HKDC1: variants seen among roughly 807,000 people sequenced by gnomAD.
The protein encoded by HKDC1 is hexokinase domain containing 1.
Under a neutral mutation model 96.6 loss-of-function variants are expected in HKDC1, and 66 were observed. The ratio of observed to expected loss-of-function variants is 0.68; its 90% CI spans 0.56 to 0.84. The LOEUF is 0.84. HKDC1 is among the 40% of genes least tolerant of loss of function. HKDC1 has a pLI of 0.00. For missense variants in HKDC1, 1,211 were observed against 1,208.1 expected, an observed-to-expected ratio of 1.00 and a Z score of -0.04; for synonymous variants, 466 against 473.1, an observed-to-expected ratio of 0.98 and a Z score of 0.20.
chr10:69,255,530 C>T (rs528447895), intron 12 of HKDC1, among the ~76,000 whole-genome samples: 3 of 152,180 alleles, frequency 2.0e-5, no homozygotes, highest in African/African-American at 7.2e-5. Context: ...CTGCCTTCAC[C>T]CCCCTGGCTT....
At chr10:69,233,275 G>T (rs1470501541) in intron 4 of HKDC1, 142 bp downstream of exon 4, 8 of 1,144,782 alleles carry the variant, frequency 7.0e-6, no homozygotes, top group Non-Finnish European at 9.9e-6. Flanking sequence ...TGATGAGGTG[G>T]CAGCGTGAGG....
chr10:69,255,950 C>A (rs1456967235), intron 12 of HKDC1, among the ~76,000 whole-genome samples: 1 of 150,950 alleles, frequency 6.6e-6, no homozygotes, highest in East Asian at 1.9e-4. Flanking sequence ...CCTACTTTCT[C>A]AGTATTATAA....
Position 69,267,400 on chromosome 10 carries a change from T to C in HKDC1, c.*643T>C, listed in dbSNP as rs1386882726. On this transcript the variant is annotated 3_prime_UTR_variant, in exon 18 of 18. Coordinates refer to ENST00000354624, the MANE Select transcript of HKDC1 (RefSeq NM_025130.4). Reference sequence around the variant, plus strand: ...CAGCACCCTGTAGGATTTTGTTCCTTATTAAGTGTGTGCCATGTGGTGGGG... The same window carrying C: ...CAGCACCCTGTAGGATTTTGTTCCTCATTAAGTGTGTGCCATGTGGTGGGG... The C allele has an allele frequency of 9.2e-6, 4 of 436,118 alleles. No homozygotes were observed. Among genetic ancestry groups the C allele is most frequent in the Admixed American group, 8.0e-5 (3 of 37,286 alleles). The allele number at this position is 436,118 out of a possible 1,614,324, so 27.0% of individuals were successfully genotyped here.
Position 69,261,137 on chromosome 10 carries a change from A to G in HKDC1, c.2217-2A>G, listed in dbSNP as rs1220756355. 6.2e-7 allele frequency: 1 copy of G among 1,612,054 alleles called. No individual in the cohort carries two copies. The highest frequency in any genetic ancestry group is 1.3e-5 in the African/African-American group (1 of 74,884). On this transcript the variant is annotated splice_acceptor_variant, in intron 15 of 17. Transcript: ENST00000354624. LOFTEE classifies it high-confidence loss of function. Reference sequence around the variant, plus strand: ...CCAACCTTATCCTTCTTCTCCAAACAGATACGAGAAAATGACCAGTGGGAT... The same window carrying G: ...CCAACCTTATCCTTCTTCTCCAAACGGATACGAGAAAATGACCAGTGGGAT...
chr10:69,261,532 T>C (rs911649185), intron 16 of HKDC1: 22 of 439,188 alleles, frequency 5.0e-5, no homozygotes, highest in Admixed American at 1.1e-4. Context: ...CAGGCTGGGC[T>C]AATTTGAAAC....
chr10:69,232,721 A>C, intron 2 of HKDC1, 43 bp from the exon 3 acceptor site: 1 of 1,581,378 alleles, frequency 6.3e-7, no homozygotes, highest in South Asian at 1.1e-5. Context: ...CCATATCTGT[A>C]GTAGACCCTC....
chr10:69,234,588 A>C (rs1843333399), intron 4 of HKDC1, among the ~76,000 whole-genome samples: 2 of 152,228 alleles, frequency 1.3e-5, no homozygotes, highest in African/African-American at 4.8e-5. Context: ...GGATAATAAC[A>C]TCTGCTTGTT....
At chr10:69,233,976 G>C (rs7083041) in intron 4 of HKDC1, among the ~76,000 whole-genome samples, 78,672 of 150,738 alleles carry the variant, frequency 0.52, 21,134 homozygotes, top group Non-Finnish European at 0.59. Flanking sequence ...TACACAGTCT[G>C]AACTGTGTCA....
chr10:69,247,349 C>A lies in HKDC1; in HGVS notation c.1032-11C>A. The A allele has an allele frequency of 1.3e-6, 2 of 1,592,876 alleles. No individual in the cohort carries two copies. The highest frequency in any genetic ancestry group is 1.7e-6 in the Non-Finnish European group (2 of 1,160,546). On this transcript the variant is annotated splice_polypyrimidine_tract_variant and intron_variant, in intron 8 of 17. Coordinates refer to ENST00000354624, the MANE Select transcript of HKDC1 (RefSeq NM_025130.4). Reference sequence around the variant, plus strand: ...AGAAGTGTCGTTCACTCATTCCTGTCCCCTGGCCAGGTATAAAGAAGGCCT... The same window carrying A: ...AGAAGTGTCGTTCACTCATTCCTGTACCCTGGCCAGGTATAAAGAAGGCCT...
intron 2 of HKDC1, among the ~76,000 whole-genome samples, chr10:69,229,517 A>T (rs1843217598): frequency 6.6e-6 from 1 of 152,170 alleles, no homozygotes; most frequent in Non-Finnish European, 1.5e-5. Flanking sequence ...CAGCTGAGTC[A>T]TGTGGGGAGC....
intron 4 of HKDC1, among the ~76,000 whole-genome samples, chr10:69,237,752 T>G (rs1221166219): frequency 2.0e-5 from 3 of 152,188 alleles, no homozygotes; most frequent in African/African-American, 7.2e-5. Context: ...TAGGGAGAGC[T>G]GCCACACGGC....
At chr10:69,245,386 A>C (rs1045354686) in intron 7 of HKDC1, among the ~76,000 whole-genome samples, 6 of 151,198 alleles carry the variant, frequency 4.0e-5, no homozygotes, top group African/African-American at 1.5e-4. Flanking sequence ...GGAGTTTATG[A>C]TAAGCCTAGG....
chr10:69,261,905 T>G (rs946474562), intron 16 of HKDC1, among the ~76,000 whole-genome samples: 1 of 152,238 alleles, frequency 6.6e-6, no homozygotes, highest in African/African-American at 2.4e-5. Flanking sequence ...CTAGATTTTG[T>G]GGATTGCAGC....
At position 69,258,868 on chromosome 10, in the gene HKDC1, G is replaced by A; in HGVS notation, c.2125G>A (p.Gly709Arg). Residue 709 changes from glycine (G) to arginine (R), a missense_variant, in exon 15 of 18, where the codon GGA becomes AGA. Transcript: ENST00000354624. ...GAAGATGTGCATCAATACAGAGTGG[G>A]GAGGATTTGGAGACAATGGCTGCAT... ...EGKMCINTEW[G>R]GFGDNGCIDD... is the part of the protein sequence containing the mutation. The A allele has an allele frequency of 6.2e-7, 1 of 1,613,212 alleles. No individual in the cohort carries two copies. Among genetic ancestry groups the A allele is most frequent in the Middle Eastern group, 1.7e-4 (1 of 6,056 alleles).
At chr10:69,234,297 G>A (rs1456873080) in intron 4 of HKDC1, among the ~76,000 whole-genome samples, 1 of 152,182 alleles carries the variant, frequency 6.6e-6, no homozygotes, top group East Asian at 1.9e-4. Flanking sequence ...TAGTGAAAGG[G>A]AATGAGCTTT....
chr10:69,258,823 A>T lies in HKDC1; in HGVS notation c.2080A>T (p.Met694Leu), dbSNP rs1338162638. ...CYMEDMRNIE[M>L]VEGGEGKMCI... ...CATGGAGGACATGAGGAACATCGAG[A>T]TGGTGGAGGGGGGTGAAGGGAAGAT... The change falls in exon 15 of 18, where the codon ATG (methionine) becomes TTG (leucine). Residue 694 changes from methionine to leucine, a missense_variant. By Grantham distance (15) the Met-to-Leu change is conservative. Coordinates refer to ENST00000354624, the MANE Select transcript of HKDC1 (RefSeq NM_025130.4). 5 of 1,613,894 alleles carry T rather than the reference A, an allele frequency of 3.1e-6. No homozygotes were observed. The highest frequency in any genetic ancestry group is 3.3e-5 in the Admixed American group (2 of 59,972).
At chr10:69,236,914 G>A (rs1843371172) in intron 4 of HKDC1, among the ~76,000 whole-genome samples, 1 of 152,082 alleles carries the variant, frequency 6.6e-6, no homozygotes. Context: ...AAGTAGTAAA[G>A]TTCCAACCAC....
In HKDC1 at chr10:69,220,364, A is replaced by G; in HGVS notation, c.-72A>G. On this transcript the variant is annotated 5_prime_UTR_variant, in exon 1 of 18. Transcript: ENST00000354624. ...CCAGCCTGGACTGGAAGCGTGCAACACTCCAGAGTCGTAGGAGTGAACACT... is the reference window on the plus strand; with the variant it reads ...CCAGCCTGGACTGGAAGCGTGCAACGCTCCAGAGTCGTAGGAGTGAACACT... The G allele has an allele frequency of 8.3e-7, 1 of 1,208,260 alleles. No homozygotes were observed. Among genetic ancestry groups the G allele is most frequent in the Non-Finnish European group, 1.1e-6 (1 of 872,178 alleles). 74.8% of individuals were successfully genotyped at this position (1,208,260 alleles called of 1,614,324 possible). A position where few individuals can be genotyped will look rare whatever the true frequency, so the allele number is the denominator to read the frequency against.
intron 12 of HKDC1, among the ~76,000 whole-genome samples, chr10:69,254,521 C>T (rs1215058391): frequency 1.3e-5 from 2 of 152,136 alleles, no homozygotes; most frequent in African/African-American, 4.8e-5. Flanking sequence ...GTCCTCCTTC[C>T]CCCAGACCCT....
Sources: gnomAD v4.1 joint callset for allele counts (sites outside exome capture counted in the v4.1 genomes callset) on GRCh38, gnomAD v4.1.1 for gene constraint, MANE v1.5 for transcripts, NCBI Gene and HGNC (gene_info 2026-07-23, HGNC 2026-07-21) for gene names.